Variants in B4GALNT3 observed in about 807,000 individuals in gnomAD.
The protein encoded by B4GALNT3 is beta-1,4-N-acetylgalactosaminyltransferase 3.
In B4GALNT3, 86 loss-of-function variants were observed where a neutral mutation model predicts 120.2. That is an observed-to-expected ratio of 0.72 (90% confidence interval 0.60 to 0.86). The LOEUF (loss-of-function observed/expected upper bound fraction) is 0.86, where lower values mean the gene tolerates loss of function less well. Ranked by LOEUF, B4GALNT3 falls within the 40% of genes least tolerant of loss-of-function variation. B4GALNT3 has a pLI of 0.00. For synonymous variants in B4GALNT3, 518 were observed against 510.4 expected (o/e 1.01, Z -0.20); for missense variants, 1,167 against 1,298.9 (o/e 0.90, Z 1.56).
intron 1 of B4GALNT3, among the ~76,000 whole-genome samples, chr12:470,388 CG>C (rs1396828930): frequency 6.6e-6 from 1 of 152,234 alleles, no homozygotes; most frequent in Non-Finnish European, 1.5e-5. Context: ...CAGGTTCAAA[CG>C]AATGTGTGCA....
intron 1 of B4GALNT3, among the ~76,000 whole-genome samples, chr12:475,124 AAAG>A (rs1946171685): frequency 6.6e-6 from 1 of 152,266 alleles, no homozygotes. Flanking sequence ...AAAAGAAAGA[AAAG>A]AAGAGAAGAG....
chr12:497,983 C>T (rs913906267), intron 1 of B4GALNT3, among the ~76,000 whole-genome samples: 2 of 152,138 alleles, frequency 1.3e-5, no homozygotes, highest in East Asian at 3.8e-4. Context: ...TCTTCTGATG[C>T]CTCCCCACCC....
chr12:516,491 A>G (rs1417930807), intron 1 of B4GALNT3, among the ~76,000 whole-genome samples: 1 of 152,218 alleles, frequency 6.6e-6, no homozygotes, highest in East Asian at 1.9e-4. Flanking sequence ...CTGGAATGAA[A>G]TGGTGGTAAA....
chr12:538,050 C>G (rs1189153798), intron 3 of B4GALNT3, among the ~76,000 whole-genome samples: 2 of 152,196 alleles, frequency 1.3e-5, no homozygotes, highest in East Asian at 3.8e-4. Flanking sequence ...TTGAAAAGAA[C>G]TTGCTTTACA....
rs754603338 is a variant in B4GALNT3 at position 552,476 on chromosome 12, T to G, written c.1218T>G (p.Phe406Leu). The stretch of plus-strand genomic sequence containing the variant: ...TCCCTTCCTCCTGCAGGTTCAGCTT[T>G]CAGGAGTACATCAAGATTGACCAGC... ...ENAYYQDRFS[F>L]QEYIKIDQPE... Residue 406 changes from phenylalanine to leucine, a missense_variant, in exon 13 of 20, where the codon TTT becomes TTG. Transcript: ENST00000266383. The G allele has an allele frequency of 1.9e-6, 3 of 1,613,740 alleles. No individual in the cohort carries two copies. Among genetic ancestry groups the G allele is most frequent in the East Asian group, 4.5e-5 (2 of 44,886 alleles).
At chr12:557,469 G>GT in intron 15 of B4GALNT3, 139 bp from the exon 16 acceptor site, 1 of 798,434 alleles carries the variant, frequency 1.3e-6, no homozygotes, top group Non-Finnish European at 2.0e-6. Context: ...ACTGCTAATG[G>GT]TTTTGCAGAG....
At position 550,172 on chromosome 12, in the gene B4GALNT3, T is replaced by G. The variant is rs1481489234; in HGVS notation, c.997+260T>G. Among the ~76,000 whole-genome samples the G allele has an allele frequency of 6.6e-6, 1 of 152,008 alleles. No individual in the cohort carries two copies. The highest frequency in any genetic ancestry group is 1.5e-5 in the Non-Finnish European group (1 of 67,988). On this transcript the variant is annotated intron_variant, in intron 10 of 19. Transcript: ENST00000266383. This position sits in a 1 kb window ranked among gnomAD's most constrained non-coding sequence, Gnocchi z 4.1. ...CCACCACCCACAACAAGAAATAGAG[T>G]TAGAACCCGGAAGTCCCCCACACAT...
chr12:548,268 T>C lies in B4GALNT3; in HGVS notation c.824T>C (p.Ile275Thr), dbSNP rs759475069. Residue 275 changes from isoleucine to threonine, a missense_variant, in exon 9 of 20, where the codon ATT (isoleucine) becomes ACT (threonine). Transcript: ENST00000266383. This position sits in a 1 kb window ranked among gnomAD's most constrained non-coding sequence, Gnocchi z 4.9. ...GACCCTGGAGCCAAGTTCACCATCA[T>C]TGACTCCCTCTCCCTGTCCCTCTTC... ...RNDPGAKFTIIDSLSLSLFTN... is the reference protein window; with the variant it reads ...RNDPGAKFTITDSLSLSLFTN... 9.9e-6 allele frequency: 16 copies of C among 1,613,984 alleles called. No homozygotes were observed. The highest frequency in any genetic ancestry group is 2.7e-5 in the African/African-American group (2 of 74,904).
chr12:496,469 A>G (rs892884471), intron 1 of B4GALNT3, among the ~76,000 whole-genome samples: 13 of 152,060 alleles, frequency 8.5e-5, no homozygotes, highest in African/African-American at 3.1e-4. Context: ...GCGTGGTGGC[A>G]CACACCTGTG....
rs374783922 is a variant in B4GALNT3, at chr12:549,835, C to A, written c.920C>A (p.Ser307Tyr). The A allele has an allele frequency of 1.9e-6, 3 of 1,613,654 alleles. No homozygotes were observed. The African/African-American group carries it at 4.0e-5, about 22-fold the overall frequency. Residue 307 changes from serine (S) to tyrosine (Y), a missense_variant, in exon 10 of 20, where the codon TCC becomes TAC. By Grantham distance (144) the Ser-to-Tyr change is moderately radical. Coordinates refer to ENST00000266383, the MANE Select transcript of B4GALNT3 (RefSeq NM_173593.4). ...CAGACAGCAGCCAGCCACGTGGACT[C>A]CTCCAACGCTCTTCCCAGGGATGAG... ...IPQTAASHVD[S>Y]SNALPRDEQP...
At chr12:512,489 C>CTTT (rs1946595532) in intron 1 of B4GALNT3, among the ~76,000 whole-genome samples, 1 of 147,570 alleles carries the variant, frequency 6.8e-6, no homozygotes, top group South Asian at 2.2e-4. Flanking sequence ...CCACCTTCCG[C>CTTT]CTTCCACCTT....
In B4GALNT3 at chr12:536,226, C is replaced by T; in HGVS notation, c.282C>T (p.Asp94=). 1 of 1,613,980 alleles carries T rather than the reference C, an allele frequency of 6.2e-7. No homozygotes were observed. The highest frequency in any genetic ancestry group is 8.5e-7 in the Non-Finnish European group (1 of 1,179,840). ...HPQRLSLEDH[D]IDQGVSSNSS... ...CTTCATTCTTCCCCTAGGACCACGACATTGACCAAGGGGTGAGCAGTAACA... is the reference window on the plus strand; with the variant it reads ...CTTCATTCTTCCCCTAGGACCACGATATTGACCAAGGGGTGAGCAGTAACA... Residue 94 remains aspartate, a synonymous_variant, in exon 3 of 20, where the codon GAC becomes GAT. Coordinates refer to ENST00000266383, the MANE Select transcript of B4GALNT3 (RefSeq NM_173593.4).
rs1947031687 is a variant in B4GALNT3, at chr12:548,156, C to T, written c.786+54C>T. ...CAGCTCAGTTCCTGGCACTCATCTCCCCTTGTCCCTTGACCCCTGTTGGAA... is the reference window on the plus strand; with the variant it reads ...CAGCTCAGTTCCTGGCACTCATCTCTCCTTGTCCCTTGACCCCTGTTGGAA... On this transcript the variant is annotated intron_variant, in intron 8 of 19. Coordinates refer to ENST00000266383, the MANE Select transcript of B4GALNT3 (RefSeq NM_173593.4). The surrounding 1 kb of genome is among the most constrained non-coding windows in gnomAD (Gnocchi z 4.9). The T allele has an allele frequency of 1.1e-5, 18 of 1,605,604 alleles. No individual in the cohort carries two copies. The highest frequency in any genetic ancestry group is 2.7e-5 in the African/African-American group (2 of 74,712).
At chr12:511,013 CTTTTTTTTTTTTTTTTTTTTTTT>C (rs762032000) in intron 1 of B4GALNT3, among the ~76,000 whole-genome samples, 42 of 43,914 alleles carry the variant, frequency 9.6e-4, no homozygotes, top group East Asian at 3.8e-3. Context: ...TTTGCCTATT[CTTTTTTTTTTTTTTTTTTTTTTT>C]TTTTTTTTTT....
intron 3 of B4GALNT3, among the ~76,000 whole-genome samples, chr12:539,762 T>C (rs1219768005): frequency 1.3e-5 from 2 of 151,674 alleles, no homozygotes; most frequent in Non-Finnish European, 2.9e-5. Context: ...AATAGAAAAA[T>C]GAGCCAGCTG....
rs529669122 is a variant in B4GALNT3, at chr12:558,009, C to T, written c.2535-7C>T. The T allele has an allele frequency of 1.2e-6, 2 of 1,613,992 alleles. No individual in the cohort carries two copies. Among genetic ancestry groups the T allele is most frequent in the Admixed American group, 1.7e-5 (1 of 60,026 alleles). On this transcript the variant is annotated splice_polypyrimidine_tract_variant and splice_region_variant and intron_variant, in intron 16 of 19. Coordinates refer to ENST00000266383, the MANE Select transcript of B4GALNT3 (RefSeq NM_173593.4). ...CTGATACGCAGCCCTCTCTCCCCTT[C>T]CTGCAGCTACCAGTACGTGAAGCTA...
At chr12:558,463 C>T (rs1294277353) in intron 17 of B4GALNT3, 45 bp from the exon 18 acceptor site, 3 of 1,586,188 alleles carry the variant, frequency 1.9e-6, no homozygotes, top group Non-Finnish European at 2.6e-6. Context: ...GACCTCCTAG[C>T]TCTGGTCTGC....
chr12:500,985 A>G (rs1036154357), intron 1 of B4GALNT3, among the ~76,000 whole-genome samples: 5 of 147,834 alleles, frequency 3.4e-5, no homozygotes, highest in Non-Finnish European at 5.9e-5. Context: ...CTCCTGCCTC[A>G]GCCTCAGCCT....
intron 1 of B4GALNT3, 103 bp from the exon 2 acceptor site, chr12:535,063 T>C: frequency 1.1e-6 from 1 of 898,036 alleles, no homozygotes; most frequent in Admixed American, 2.5e-5. Flanking sequence ...TGAAGAGAGG[T>C]GAGAAGGGAA....
Sources: gnomAD v4.1 joint callset for allele counts (sites outside exome capture counted in the v4.1 genomes callset) on GRCh38, gnomAD v4.1.1 for gene constraint, Gnocchi (gnomAD v3.1) non-coding constraint, MANE v1.5 for transcripts, NCBI Gene and HGNC (gene_info 2026-07-23, HGNC 2026-07-21) for gene names.